TRAPPC9: variants seen among roughly 807,000 people sequenced by gnomAD.
The protein encoded by TRAPPC9 is IKK2 binding protein.
In TRAPPC9, 83 loss-of-function variants were observed where a neutral mutation model predicts 124.0. That is an observed-to-expected ratio of 0.67 (90% CI 0.56 to 0.80). TRAPPC9 has a LOEUF of 0.80. TRAPPC9 is among the 30% of genes least tolerant of loss of function. The pLI is 0.00. For missense variants in TRAPPC9, 1,302 were observed against 1,508.3 expected (o/e 0.86, Z 2.27); for synonymous variants, 638 against 617.5 (o/e 1.03, Z -0.49).
intron 17 of TRAPPC9, among the ~76,000 whole-genome samples, chr8:140,158,614 T>C (rs1303624802): frequency 2.0e-5 from 3 of 152,374 alleles, no homozygotes; most frequent in South Asian, 2.1e-4. Flanking sequence ...ATATGTTTAA[T>C]AAATTTAAAT....
rs1462300236 is a variant in TRAPPC9, at chr8:140,129,068, T to C, written c.2556+92391A>G. Among the ~76,000 whole-genome samples, 3 of 151,078 alleles carry C rather than the reference T, an allele frequency of 2.0e-5. No homozygotes were observed. In the East Asian group the frequency reaches 5.8e-4, roughly 29 times the overall value. On this transcript the variant is annotated intron_variant, in intron 17 of 22. Transcript: ENST00000438773. ...GCTCTGCCAATGAGGTTGATTTTCATGGGGATTTTCAGTTAGCAGAAGCAA... is the reference window on the plus strand; with the variant it reads ...GCTCTGCCAATGAGGTTGATTTTCACGGGGATTTTCAGTTAGCAGAAGCAA...
chr8:139,805,374 C>T lies in TRAPPC9; in HGVS notation c.3056-73172G>A, dbSNP rs190661918. Reference sequence around the variant, plus strand: ...CCCGGTGCAGGGCCCTCACCAGGGTCGGAAGTGGGAAGACCCCACACTCGG... The same window carrying T: ...CCCGGTGCAGGGCCCTCACCAGGGTTGGAAGTGGGAAGACCCCACACTCGG... On this transcript the variant is annotated intron_variant, in intron 21 of 22. Coordinates refer to ENST00000438773, the MANE Select transcript of TRAPPC9 (RefSeq NM_001160372.4). 2.0e-5 allele frequency among the ~76,000 whole-genome samples: 3 copies of T among 152,314 alleles called. No homozygotes were observed. In the East Asian group the frequency reaches 5.8e-4, roughly 29 times the overall value.
At chr8:140,221,822 G>C (rs1022722724) in intron 16 of TRAPPC9, among the ~76,000 whole-genome samples, 3 of 152,168 alleles carry the variant, frequency 2.0e-5, no homozygotes, top group African/African-American at 4.8e-5. Flanking sequence ...ATTTTTGGTA[G>C]AGGTGGGGTT....
At chr8:140,366,289 A>C (rs1007324541) in intron 8 of TRAPPC9, among the ~76,000 whole-genome samples, 7 of 152,156 alleles carry the variant, frequency 4.6e-5, no homozygotes, top group Non-Finnish European at 8.8e-5. Flanking sequence ...TTCTATTATA[A>C]AATTTTTTAA....
At position 139,885,971 on chromosome 8, in the gene TRAPPC9, T is replaced by A; in HGVS notation, c.2965-2A>T. 6.4e-7 allele frequency: 1 copy of A among 1,561,922 alleles called. No homozygotes were observed. Among genetic ancestry groups the A allele is most frequent in the Non-Finnish European group, 8.7e-7 (1 of 1,152,522 alleles). On this transcript the variant is annotated splice_acceptor_variant, in intron 20 of 22. Transcript: ENST00000438773. LOFTEE classifies it high-confidence loss of function. ...CTCGCCACTGCGCTTCAGGGAGGGGTGAGCCTTGGTCAAGGAAAACGCAAC... is the reference window on the plus strand; with the variant it reads ...CTCGCCACTGCGCTTCAGGGAGGGGAGAGCCTTGGTCAAGGAAAACGCAAC...
At chr8:139,861,185 C>A (rs528583213) in intron 21 of TRAPPC9, among the ~76,000 whole-genome samples, 5 of 152,356 alleles carry the variant, frequency 3.3e-5, no homozygotes, top group East Asian at 3.9e-4. Flanking sequence ...AGAAAGGGTG[C>A]TCCTTGCAGA....
At chr8:139,913,821 G>C (rs1014800453) in intron 19 of TRAPPC9, 3 of 152,284 alleles carry the variant, frequency 2.0e-5, no homozygotes, top group Non-Finnish European at 4.4e-5. Flanking sequence ...AAACCACAGA[G>C]GGGCTCTACC....
chr8:140,266,752 C>G (rs916941744), intron 15 of TRAPPC9, among the ~76,000 whole-genome samples: 4 of 151,474 alleles, frequency 2.6e-5, no homozygotes, highest in East Asian at 2.0e-4. Flanking sequence ...CCCAGCTACT[C>G]GGGAGGCTGA....
chr8:140,292,668 A>G (rs2065692275), intron 11 of TRAPPC9, among the ~76,000 whole-genome samples: 1 of 152,032 alleles, frequency 6.6e-6, no homozygotes, highest in Non-Finnish European at 1.5e-5. Context: ...CCATATGTAG[A>G]AAGCTGAAAC....
intron 21 of TRAPPC9, among the ~76,000 whole-genome samples, chr8:139,757,211 T>A (rs1586778759): frequency 1.7e-5 from 2 of 114,514 alleles, no homozygotes; most frequent in Non-Finnish European, 3.5e-5. Context: ...GGAGCCAGGG[T>A]TGGGGATGAG....
At chr8:139,888,951 A>G (rs1830177779) in intron 20 of TRAPPC9, among the ~76,000 whole-genome samples, 1 of 152,282 alleles carries the variant, frequency 6.6e-6, no homozygotes, top group South Asian at 2.1e-4. Flanking sequence ...CCAGGTTTAT[A>G]CCCAAAAGAA....
In TRAPPC9 at chr8:139,742,361, A is replaced by C. The variant is rs888686326; in HGVS notation, c.3056-10159T>G. On this transcript the variant is annotated intron_variant, in intron 21 of 22. Transcript: ENST00000438773. This position sits in a 1 kb window ranked among gnomAD's most constrained non-coding sequence, Gnocchi z 4.7. ...GCTGTTTGGAATGGCCCTTCTGTGC[A>C]GTCCTCTTTGCTTGCAACGTCCATA... 1.3e-5 allele frequency among the ~76,000 whole-genome samples: 2 copies of C among 152,190 alleles called. No individual in the cohort carries two copies. The highest frequency in any genetic ancestry group is 4.8e-5 in the African/African-American group (2 of 41,450).
At chr8:139,751,227 G>A (rs1819287814) in intron 21 of TRAPPC9, among the ~76,000 whole-genome samples, 1 of 152,226 alleles carries the variant, frequency 6.6e-6, no homozygotes, top group South Asian at 2.1e-4. Context: ...GGAAATCACA[G>A]TGGATTTCTT....
intron 21 of TRAPPC9, among the ~76,000 whole-genome samples, chr8:139,826,340 A>G (rs1427842869): frequency 1.3e-5 from 2 of 152,122 alleles, no homozygotes; most frequent in Non-Finnish European, 2.9e-5. Context: ...AGAGTGAGAG[A>G]CAGTGTGGGC....
intron 17 of TRAPPC9, among the ~76,000 whole-genome samples, chr8:140,081,175 A>C (rs931127906): frequency 6.6e-6 from 1 of 151,716 alleles, no homozygotes; most frequent in Non-Finnish European, 1.5e-5. Flanking sequence ...TCAGCAGCAC[A>C]CTCTGCCTGG....
chr8:140,356,009 G>A (rs2067731277), intron 9 of TRAPPC9, among the ~76,000 whole-genome samples: 1 of 152,160 alleles, frequency 6.6e-6, no homozygotes, highest in African/African-American at 2.4e-5. Context: ...CGGTGGGGAA[G>A]GCAGAGGTTA....
chr8:140,171,912 G>T (rs1361983530), intron 17 of TRAPPC9, among the ~76,000 whole-genome samples: 1 of 152,182 alleles, frequency 6.6e-6, no homozygotes, highest in Non-Finnish European at 1.5e-5. Flanking sequence ...GAACATAAGG[G>T]CTCTGTCTTG....
At chr8:139,853,720 C>A (rs962171350) in intron 21 of TRAPPC9, among the ~76,000 whole-genome samples, 1 of 152,112 alleles carries the variant, frequency 6.6e-6, no homozygotes, top group Non-Finnish European at 1.5e-5. Flanking sequence ...CAGGGGCAGG[C>A]TGGGGGCAGT....
intron 11 of TRAPPC9, among the ~76,000 whole-genome samples, chr8:140,295,366 G>C (rs2065777672): frequency 6.6e-6 from 1 of 152,206 alleles, no homozygotes; most frequent in Admixed American, 6.5e-5. Context: ...GCAGACCACA[G>C]AGGCACAATC....
Sources: gnomAD v4.1 joint callset for allele counts (sites outside exome capture counted in the v4.1 genomes callset) on GRCh38, gnomAD v4.1.1 for gene constraint, Gnocchi (gnomAD v3.1) non-coding constraint, MANE v1.5 for transcripts, NCBI Gene and HGNC (gene_info 2026-07-23, HGNC 2026-07-21) for gene names.